MAGI2: variants seen among roughly 807,000 people sequenced by gnomAD.
MAGI2 encodes membrane associated guanylate kinase, WW and PDZ domain containing 2.
MAGI2 carries 35 observed loss-of-function variants against 133.3 expected under a neutral mutation model. The ratio of observed to expected loss-of-function variants is 0.26; its 90% CI spans 0.20 to 0.35. The LOEUF is 0.35. Ranked by LOEUF, MAGI2 falls within the 10% of genes least tolerant of loss-of-function variation. The pLI, the probability that MAGI2 is intolerant of heterozygous loss-of-function variation, is 1.00. For missense variants in MAGI2, 1,636 were observed against 1,863.4 expected (o/e 0.88, Z 2.25); for synonymous variants, 729 against 710.6 (o/e 1.03, Z -0.41).
At chr7:78,153,030 C>T (rs1342500687) in intron 16 of MAGI2, among the ~76,000 whole-genome samples, 1 of 152,164 alleles carries the variant, frequency 6.6e-6, no homozygotes, top group Non-Finnish European at 1.5e-5. Flanking sequence ...TTCCTATGTT[C>T]AACAGTGTGG....
chr7:78,410,199 A>C (rs999202390), intron 6 of MAGI2, among the ~76,000 whole-genome samples: 14 of 152,228 alleles, frequency 9.2e-5, no homozygotes, highest in Non-Finnish European at 4.4e-5. Context: ...GGCATAAGTA[A>C]AATAGGTATT....
chr7:79,117,378 G>T (rs1444097535), intron 1 of MAGI2, among the ~76,000 whole-genome samples: 2 of 151,966 alleles, frequency 1.3e-5, no homozygotes, highest in Non-Finnish European at 2.9e-5. Context: ...ATTACATTAG[G>T]TGTTAATTTG....
intron 14 of MAGI2, 101 bp downstream of exon 14, chr7:78,177,910 C>A: frequency 3.5e-6 from 3 of 848,626 alleles, no homozygotes; most frequent in African/African-American, 1.7e-5. Flanking sequence ...TATGAGAGTC[C>A]TAAAACATTT....
At chr7:78,506,523 C>T (rs1347373532) in intron 4 of MAGI2, among the ~76,000 whole-genome samples, 1 of 152,106 alleles carries the variant, frequency 6.6e-6, no homozygotes, top group Non-Finnish European at 1.5e-5. Context: ...ACATTTAAGT[C>T]ACTGAAACAA....
intron 1 of MAGI2, among the ~76,000 whole-genome samples, chr7:79,254,254 C>G (rs1199043916): frequency 6.6e-6 from 1 of 152,088 alleles, no homozygotes; most frequent in Non-Finnish European, 1.5e-5. Context: ...TAAGAATTCT[C>G]TGTATAAAAT....
chr7:79,144,227 G>C (rs1160980352), intron 1 of MAGI2, among the ~76,000 whole-genome samples: 4 of 152,192 alleles, frequency 2.6e-5, no homozygotes, highest in Non-Finnish European at 5.9e-5. Context: ...ATGTATAACA[G>C]GGAGAACTGA....
In MAGI2 at chr7:79,448,273, T is replaced by A. The variant is rs575412505; in HGVS notation, c.301+4747A>T. Among the ~76,000 whole-genome samples, 36 of 152,200 alleles carry A rather than the reference T, an allele frequency of 2.4e-4. No homozygotes were observed. The South Asian group carries it at 7.3e-3, about 31-fold the overall frequency. ...ATATTATTCTTCAAATAAATTCTTT[T>A]CAAATAAAATATTTATTTCATTCTG... On this transcript the variant is annotated intron_variant, in intron 1 of 21. Transcript: ENST00000354212.
At chr7:79,304,650 C>A (rs1837645023) in intron 1 of MAGI2, among the ~76,000 whole-genome samples, 1 of 152,136 alleles carries the variant, frequency 6.6e-6, no homozygotes, top group South Asian at 2.1e-4. Context: ...AAAAAGAAAT[C>A]CCTAGATTTA....
intron 3 of MAGI2, among the ~76,000 whole-genome samples, chr7:78,594,116 C>T (rs1168062086): frequency 1.3e-5 from 2 of 152,196 alleles, no homozygotes; most frequent in Admixed American, 1.3e-4. Flanking sequence ...ACCTATATCC[C>T]ACTTCACATT....
At chr7:78,827,686 A>C (rs1790784174) in intron 2 of MAGI2, among the ~76,000 whole-genome samples, 1 of 152,232 alleles carries the variant, frequency 6.6e-6, no homozygotes, top group Admixed American at 6.5e-5. Flanking sequence ...TCACACTTAC[A>C]ATTTGAGCAA....
intron 21 of MAGI2, among the ~76,000 whole-genome samples, chr7:78,038,641 C>A (rs1311188543): frequency 2.0e-5 from 3 of 152,130 alleles, no homozygotes; most frequent in East Asian, 1.9e-4. Context: ...GATTCACATG[C>A]GGGTTGAAGT....
intron 1 of MAGI2, among the ~76,000 whole-genome samples, chr7:79,263,670 G>T (rs1308744666): frequency 1.3e-5 from 2 of 152,096 alleles, no homozygotes; most frequent in African/African-American, 2.4e-5. Flanking sequence ...GTGATTTAAG[G>T]TCTCTGAGGT....
At chr7:78,086,485 C>A (rs1039408814) in intron 20 of MAGI2, among the ~76,000 whole-genome samples, 3 of 151,076 alleles carry the variant, frequency 2.0e-5, no homozygotes, top group Admixed American at 1.3e-4. Flanking sequence ...GATCTACCTG[C>A]CTTGGCCTCC....
chr7:79,005,210 T>TA, intron 2 of MAGI2, among the ~76,000 whole-genome samples: 1 of 152,308 alleles, frequency 6.6e-6, no homozygotes, highest in East Asian at 1.9e-4. Context: ...TTTGCCAAGT[T>TA]AAAAACTTCA....
intron 2 of MAGI2, among the ~76,000 whole-genome samples, chr7:78,822,506 G>C (rs1320653601): frequency 6.6e-6 from 1 of 151,862 alleles, no homozygotes; most frequent in Non-Finnish European, 1.5e-5. Flanking sequence ...TGCTCATGTG[G>C]GTGTTGTTTG....
At chr7:78,306,523 A>G (rs1002280553) in intron 9 of MAGI2, among the ~76,000 whole-genome samples, 3 of 152,218 alleles carry the variant, frequency 2.0e-5, no homozygotes, top group African/African-American at 7.2e-5. Flanking sequence ...TGAAACTGTC[A>G]TCAAGTCATT....
chr7:79,442,406 G>C (rs976011910), intron 1 of MAGI2, among the ~76,000 whole-genome samples: 1 of 151,656 alleles, frequency 6.6e-6, no homozygotes, highest in African/African-American at 2.4e-5. Flanking sequence ...GTGCCTTTCC[G>C]AGACTATTTA....
At chr7:78,638,808 C>T (rs1263384175) in intron 2 of MAGI2, among the ~76,000 whole-genome samples, 2 of 152,024 alleles carry the variant, frequency 1.3e-5, no homozygotes, top group African/African-American at 2.4e-5. Flanking sequence ...GATTTTAATT[C>T]AATATTTAAT....
chr7:78,643,871 C>G (rs540913802), intron 2 of MAGI2, among the ~76,000 whole-genome samples: 1 of 151,884 alleles, frequency 6.6e-6, no homozygotes, highest in Non-Finnish European at 1.5e-5. Flanking sequence ...TACACACACA[C>G]CCCCACACAC....
Sources: gnomAD v4.1 joint callset for allele counts (sites outside exome capture counted in the v4.1 genomes callset) on GRCh38, gnomAD v4.1.1 for gene constraint, MANE v1.5 for transcripts, NCBI Gene and HGNC (gene_info 2026-07-23, HGNC 2026-07-21) for gene names.